The following GSE1 variants were observed in gnomAD, a reference collection of about 807,000 sequenced individuals.
The protein encoded by GSE1 is genetic suppressor element 1.
In GSE1, 32 loss-of-function variants were observed where a neutral mutation model predicts 112.6. The ratio of observed to expected loss-of-function variants is 0.28; its 90% CI spans 0.21 to 0.38. GSE1 has a LOEUF of 0.38. Ranked by LOEUF, GSE1 falls within the 10% of genes least tolerant of loss-of-function variation. The pLI is 1.00. For synonymous variants in GSE1, 1,115 were observed against 735.6 expected (o/e 1.52, Z -8.35); for missense variants, 2,348 against 1,699.2 (o/e 1.38, Z -6.71).
intron 6 of GSE1, among the ~76,000 whole-genome samples, chr16:85,656,125 C>T (rs2051906973): frequency 6.6e-6 from 1 of 152,194 alleles, no homozygotes; most frequent in Non-Finnish European, 1.5e-5. Flanking sequence ...AGTAAACCTG[C>T]AGGCCGAGGA....
At chr16:85,268,874 C>T (rs565756195) in intron 1 of GSE1, among the ~76,000 whole-genome samples, 2 of 152,248 alleles carry the variant, frequency 1.3e-5, no homozygotes, top group African/African-American at 4.8e-5. Flanking sequence ...CAGACACAGG[C>T]CCTGAAGGAT....
Position 85,443,382 on chromosome 16 carries a change from G to A in GSE1, c.2464+85739G>A, listed in dbSNP as rs140643826. 1.2e-4 allele frequency among the ~76,000 whole-genome samples: 18 copies of A among 152,328 alleles called. No homozygotes were observed. In the East Asian group the frequency reaches 2.1e-3, roughly 18 times the overall value. On this transcript the variant is annotated intron_variant, in intron 2 of 2. Transcript: ENST00000637419. ...GGCCTGGCTCCCACTGGCTGACCTC[G>A]GGCCAGTGTCTTCACCTCCATGTGG...
At chr16:85,227,089 C>A (rs921722814) in intron 1 of GSE1, among the ~76,000 whole-genome samples, 2 of 151,876 alleles carry the variant, frequency 1.3e-5, no homozygotes, top group African/African-American at 4.8e-5. Context: ...CATCTTTCCT[C>A]AGTCCTTCTT....
chr16:85,318,235 C>T (rs1163509834), intron 1 of GSE1, among the ~76,000 whole-genome samples: 1 of 152,214 alleles, frequency 6.6e-6, no homozygotes, highest in East Asian at 1.9e-4. Flanking sequence ...AGATGAGTAA[C>T]TCGGTCACTC....
intron 2 of GSE1, among the ~76,000 whole-genome samples, chr16:85,357,842 A>T (rs1336387477): frequency 6.6e-6 from 1 of 152,078 alleles, no homozygotes; most frequent in East Asian, 1.9e-4. Context: ...CCAAAACCGT[A>T]GTTTCATCAA....
At chr16:85,491,105 C>T (rs1008184062) in intron 2 of GSE1, among the ~76,000 whole-genome samples, 3 of 152,334 alleles carry the variant, frequency 2.0e-5, no homozygotes, top group African/African-American at 7.2e-5. Context: ...GCCCCCCAAG[C>T]CCTGTCGCAG....
chr16:85,377,906 C>T (rs1240735392), intron 2 of GSE1, among the ~76,000 whole-genome samples: 2 of 152,258 alleles, frequency 1.3e-5, no homozygotes, highest in East Asian at 1.9e-4. Context: ...CAGGGGAAAC[C>T]GCAGGGCCTG....
chr16:85,638,848 T>TG (rs936118002), intron 2 of GSE1, among the ~76,000 whole-genome samples: 1 of 151,706 alleles, frequency 6.6e-6, no homozygotes, highest in Non-Finnish European at 1.5e-5. Context: ...TTGGAAGGTG[T>TG]GGGTCCGCCA....
chr16:85,341,658 A>G (rs996838668), intron 1 of GSE1, among the ~76,000 whole-genome samples: 1 of 152,056 alleles, frequency 6.6e-6, no homozygotes, highest in Non-Finnish European at 1.5e-5. Context: ...CTCTGTCTCT[A>G]AATAAAAATA....
intron 1 of GSE1, among the ~76,000 whole-genome samples, chr16:85,300,436 C>T (rs1051510551): frequency 2.6e-4 from 40 of 152,240 alleles, no homozygotes; most frequent in Admixed American, 3.3e-4. Flanking sequence ...TGTACCCATT[C>T]GGTGTCAGCC....
chr16:85,634,212 A>G (rs2049794482), intron 2 of GSE1, 80 bp downstream of exon 2: 5 of 985,428 alleles, frequency 5.1e-6, no homozygotes, highest in Non-Finnish European at 7.0e-6. Context: ...TGCGGCGTGC[A>G]CGCTCACAGC....
At chr16:85,213,610 A>G (rs1360150571) in intron 1 of GSE1, among the ~76,000 whole-genome samples, 1 of 152,198 alleles carries the variant, frequency 6.6e-6, no homozygotes, top group African/African-American at 2.4e-5. Flanking sequence ...TCCTGCACGG[A>G]TTGCAACAGC....
At chr16:85,640,897 GC>G (rs1167920772) in intron 2 of GSE1, among the ~76,000 whole-genome samples, 1 of 151,920 alleles carries the variant, frequency 6.6e-6, no homozygotes, top group Non-Finnish European at 1.5e-5. Flanking sequence ...CGTTCTCCTG[GC>G]CCGGGGGCCA....
At chr16:85,270,656 G>C (rs551118575) in intron 1 of GSE1, among the ~76,000 whole-genome samples, 2 of 148,764 alleles carry the variant, frequency 1.3e-5, no homozygotes, top group Admixed American at 6.7e-5. Flanking sequence ...TCTGTCCTGC[G>C]TGCGGCCTTG....
intron 14 of GSE1, among the ~76,000 whole-genome samples, chr16:85,668,727 C>T (rs560003064): frequency 1.3e-5 from 2 of 152,284 alleles, no homozygotes; most frequent in Non-Finnish European, 2.9e-5. Flanking sequence ...GCCTCAGCTT[C>T]GTGTAAGGGT....
chr16:85,238,840 C>T (rs909913653), intron 1 of GSE1, among the ~76,000 whole-genome samples: 2 of 152,216 alleles, frequency 1.3e-5, no homozygotes, highest in African/African-American at 4.8e-5. Flanking sequence ...TCCTTCCAGT[C>T]CTTCCTCCAA....
At chr16:85,431,702 C>T (rs1286240535) in intron 2 of GSE1, among the ~76,000 whole-genome samples, 3 of 152,156 alleles carry the variant, frequency 2.0e-5, no homozygotes, top group Non-Finnish European at 4.4e-5. Flanking sequence ...CCCACCTGGA[C>T]AGGAGCTGGC....
rs1379712028 is a variant in GSE1, at chr16:85,200,867, TC to T, written c.2283+29064del. Among the ~76,000 whole-genome samples the T allele has an allele frequency of 3.9e-5, 6 of 152,288 alleles. No individual in the cohort carries two copies. The East Asian group carries it at 1.2e-3, about 29-fold the overall frequency. ...AACTTTGTCTTCTCACACTGAACTG[TC>T]CCCGGTAAACATGAACTCCACTTCC... On this transcript the variant is annotated intron_variant, in intron 1 of 2. Transcript: ENST00000637419.
intron 1 of GSE1, among the ~76,000 whole-genome samples, chr16:85,287,741 G>C (rs545043718): frequency 1.3e-5 from 2 of 152,062 alleles, no homozygotes; most frequent in Non-Finnish European, 2.9e-5. Context: ...TCCTTGGCAT[G>C]TGTTACCAGC....
Sources: gnomAD v4.1 joint callset for allele counts (sites outside exome capture counted in the v4.1 genomes callset) on GRCh38, gnomAD v4.1.1 for gene constraint, MANE v1.5 for transcripts, NCBI Gene and HGNC (gene_info 2026-07-23, HGNC 2026-07-21) for gene names.